KDM5B: variants seen among roughly 807,000 people sequenced by gnomAD.
The protein encoded by KDM5B is lysine demethylase 5B.
A neutral mutation model predicts 193.4 loss-of-function variants in KDM5B; 144 were observed. The ratio of observed to expected loss-of-function variants is 0.74; its 90% confidence interval spans 0.65 to 0.86. KDM5B has a LOEUF of 0.86. Ranked by LOEUF, KDM5B falls within the 40% of genes least tolerant of loss-of-function variation. The pLI is 0.00. For missense variants in KDM5B, 1,833 were observed against 1,886.9 expected (o/e 0.97, Z 0.53); for synonymous variants, 668 against 682.6 (o/e 0.98, Z 0.33).
At chr1:202,749,182 T>C (rs10920472) in intron 13 of KDM5B, 43 bp from the exon 14 acceptor site, 71,996 of 1,542,898 alleles carry the variant, frequency 0.047, 3,169 homozygotes, top group East Asian at 0.2. Context: ...TTCATCTTTC[T>C]TCTATTTCCA....
chr1:202,807,632 A>T (rs1024256641), intron 1 of KDM5B, among the ~76,000 whole-genome samples: 2 of 148,782 alleles, frequency 1.3e-5, no homozygotes, highest in Non-Finnish European at 3.0e-5. Flanking sequence ...TCGCACGACA[A>T]CTCGCAAGTC....
At chr1:202,764,285 T>G (rs1026067709) in intron 5 of KDM5B, 140 bp from the exon 6 acceptor site, 8 of 527,704 alleles carry the variant, frequency 1.5e-5, no homozygotes, top group African/African-American at 1.2e-4. Flanking sequence ...TCTCTCTTCC[T>G]AAGGAAGAGA....
intron 1 of KDM5B, chr1:202,796,099 G>A (rs973929634): frequency 4.8e-6 from 1 of 210,408 alleles, no homozygotes; most frequent in Non-Finnish European, 9.6e-6. Flanking sequence ...AAGGGCTGTG[G>A]TCACCTCCTT....
intron 1 of KDM5B, chr1:202,796,267 CTG>C (rs1657841818): frequency 4.8e-6 from 2 of 417,950 alleles, no homozygotes; most frequent in African/African-American, 2.1e-5. Context: ...CCTGGAGCCT[CTG>C]TACCTATGAC....
At chr1:202,764,189 AAT>A (rs779230533) in intron 5 of KDM5B, 44 bp from the exon 6 acceptor site, 15 of 1,060,452 alleles carry the variant, frequency 1.4e-5, no homozygotes, top group Non-Finnish European at 2.1e-5. Context: ...TTTAAGAAGA[AAT>A]AATCTTTAAA....
At chr1:202,762,864 C>CATT in intron 6 of KDM5B, 56 bp from the exon 7 acceptor site, 2 of 903,926 alleles carry the variant, frequency 2.2e-6, no homozygotes, top group East Asian at 2.4e-5. Flanking sequence ...ACTTCCTCAT[C>CATT]ATCTCCCTCC....
intron 23 of KDM5B, among the ~76,000 whole-genome samples, chr1:202,732,620 G>GT (rs66482938): frequency 0.6 from 88,309 of 147,936 alleles, 29,528 homozygotes; most frequent in Middle Eastern, 0.77. Flanking sequence ...ATGACAGACT[G>GT]TTTTTTTTTT....
At chr1:202,780,998 C>T (rs369402094) in intron 1 of KDM5B, among the ~76,000 whole-genome samples, 1 of 152,000 alleles carries the variant, frequency 6.6e-6, no homozygotes, top group East Asian at 1.9e-4. Flanking sequence ...TGGAACTTAT[C>T]ATTATAGACT....
At chr1:202,773,568 T>C (rs1434527833) in intron 3 of KDM5B, among the ~76,000 whole-genome samples, 2 of 152,142 alleles carry the variant, frequency 1.3e-5, no homozygotes, top group Non-Finnish European at 2.9e-5. Context: ...AGAACCAGGT[T>C]ACCTAAAACT....
At chr1:202,747,876 A>C (rs1655621877) in intron 14 of KDM5B, among the ~76,000 whole-genome samples, 1 of 152,136 alleles carries the variant, frequency 6.6e-6, no homozygotes, top group South Asian at 2.1e-4. Context: ...GTCTCAATCA[A>C]AATTCCAACA....
At position 202,740,680 on chromosome 1, in the gene KDM5B, G is replaced by A. The variant is rs1655299460; in HGVS notation, c.3078C>T (p.Gly1026=). 1.2e-6 allele frequency: 2 copies of A among 1,610,934 alleles called. No homozygotes were observed. The highest frequency in any genetic ancestry group is 2.7e-5 in the African/African-American group (2 of 74,810). The change falls in exon 20 of 27, where the codon GGC becomes GGT. Residue 1026 remains glycine (G), a synonymous_variant. Transcript: ENST00000367265. ...TATACTTTTTAAAACCAACCTGCAG[G>A]CCCTCTACATCCTGAAGCCAGTCTC... The part of the protein sequence containing the change: ...RARDWLQDVE[G]LQAGGRVPVL...
At position 202,730,901 on chromosome 1, in the gene KDM5B, ACACT is replaced by A; in HGVS notation, c.4176+4_4176+7del. On this transcript the variant is annotated splice_donor_5th_base_variant and intron_variant, in intron 25 of 26. Coordinates refer to ENST00000367265, the MANE Select transcript of KDM5B (RefSeq NM_006618.5). Reference sequence around the variant, plus strand: ...GTGCCTTGCCCCAGAAGCCTCTCAGACACTCACCTTCTCACTGCTGGGTCTCACT... The same window carrying A: ...GTGCCTTGCCCCAGAAGCCTCTCAGACACCTTCTCACTGCTGGGTCTCACT... 3 of 1,586,476 alleles carry A rather than the reference ACACT, an allele frequency of 1.9e-6. No homozygotes were observed. The highest frequency in any genetic ancestry group is 2.6e-6 in the Non-Finnish European group (3 of 1,163,660).
chr1:202,745,115 C>T (rs1300641477), intron 16 of KDM5B, among the ~76,000 whole-genome samples: 3 of 152,088 alleles, frequency 2.0e-5, no homozygotes, highest in African/African-American at 7.2e-5. Context: ...CACATGGATG[C>T]ATACAGGGGA....
In KDM5B at chr1:202,742,321, A is replaced by G. The variant is rs532925356; in HGVS notation, c.2589+70T>C. On this transcript the variant is annotated intron_variant, in intron 18 of 26. Coordinates refer to ENST00000367265, the MANE Select transcript of KDM5B (RefSeq NM_006618.5). ...AATCATCAAAGAAGATTACTTAGTA[A>G]TATCAATAGAGTTTATATACAAAAT... 32 of 1,031,422 alleles carry G rather than the reference A, an allele frequency of 3.1e-5. No individual in the cohort carries two copies. In the Admixed American group the frequency reaches 5.5e-4, roughly 18 times the overall value. 63.9% of individuals were successfully genotyped at this position (1,031,422 alleles called of 1,614,324 possible). A position where few individuals can be genotyped will look rare whatever the true frequency, so the allele number is the denominator to read the frequency against.
chr1:202,762,756 A>G lies in KDM5B; in HGVS notation c.861T>C (p.Tyr287=), dbSNP rs775630019. The change falls in exon 7 of 27, where the codon TAT becomes TAC. Residue 287 remains tyrosine (Y), a synonymous_variant. Transcript: ENST00000367265. ...GCTTTTCCTTCTCATTTTCTACAAT[A>G]TAATCTTTCCTCTCAATAGGTTCTT... ...IKQEPIERKD[Y]IVENEKEKPK... 15 of 1,612,464 alleles carry G rather than the reference A, an allele frequency of 9.3e-6. No individual in the cohort carries two copies. Among genetic ancestry groups the G allele is most frequent in the Non-Finnish European group, 1.3e-5 (15 of 1,178,578 alleles).
intron 1 of KDM5B, among the ~76,000 whole-genome samples, chr1:202,782,414 G>A (rs1657236446): frequency 6.6e-6 from 1 of 152,008 alleles, no homozygotes; most frequent in Non-Finnish European, 1.5e-5. Context: ...TGCCCAGGCT[G>A]GTCTGGAACT....
At chr1:202,766,222 G>T (rs1266633880) in intron 5 of KDM5B, among the ~76,000 whole-genome samples, 1 of 151,828 alleles carries the variant, frequency 6.6e-6, no homozygotes, top group Non-Finnish European at 1.5e-5. Context: ...ATAAAAGGAA[G>T]AGGCTGGGTG....
intron 20 of KDM5B, among the ~76,000 whole-genome samples, chr1:202,738,406 T>G (rs1242100546): frequency 2.6e-5 from 4 of 152,242 alleles, no homozygotes; most frequent in Non-Finnish European, 5.9e-5. Flanking sequence ...GACAAGTGCC[T>G]GCATCTAAAA....
chr1:202,771,429 C>T (rs1009862972), intron 4 of KDM5B, among the ~76,000 whole-genome samples: 3 of 145,300 alleles, frequency 2.1e-5, no homozygotes, highest in Non-Finnish European at 4.5e-5. Flanking sequence ...TTAGTAAATG[C>T]GGGGTTTTGC....
Sources: allele counts gnomAD v4.1 joint callset (sites outside exome capture counted in the v4.1 genomes callset), GRCh38; gene constraint gnomAD v4.1.1; transcripts MANE v1.5; gene names NCBI Gene and HGNC (gene_info 2026-07-23, HGNC 2026-07-21).